The following RBFOX3 variants were observed in gnomAD, a reference collection of about 807,000 sequenced individuals.
The protein encoded by RBFOX3 is RNA binding fox-1 homolog 3, also known as RNA binding protein fox-1 homolog 3.
In RBFOX3, 17 loss-of-function variants were observed where a neutral mutation model predicts 48.7. The observed-to-expected ratio is 0.35, with a 90% confidence interval of 0.24 to 0.52. The LOEUF is 0.52. Ranked by LOEUF, RBFOX3 falls within the 20% of genes least tolerant of loss-of-function variation. The pLI is 0.94. For synonymous variants in RBFOX3, 212 were observed against 209.5 expected (o/e 1.01, Z -0.10); for missense variants, 382 against 497.5 (o/e 0.77, Z 2.21).
chr17:79,196,368 G>T (rs531269260), intron 4 of RBFOX3, among the ~76,000 whole-genome samples: 1 of 152,142 alleles, frequency 6.6e-6, no homozygotes. Flanking sequence ...CCGACCACCC[G>T]TGGGACTCTG....
At chr17:79,122,376 TC>T (rs1408528120) in intron 4 of RBFOX3, among the ~76,000 whole-genome samples, 4 of 152,156 alleles carry the variant, frequency 2.6e-5, no homozygotes, top group Non-Finnish European at 2.9e-5. Context: ...GCTTGTCTAC[TC>T]CAGCCACAAA....
intron 9 of RBFOX3, chr17:79,098,344 G>A (rs1272538765): frequency 1.3e-5 from 2 of 153,850 alleles, no homozygotes; most frequent in Non-Finnish European, 2.9e-5. Flanking sequence ...AGGTCGAGGA[G>A]GAAAGGGCAT....
At chr17:79,662,104 G>A in the RBFOX3 span, among the ~76,000 whole-genome samples, 8 of 139,430 alleles carry the variant, frequency 5.7e-5, no homozygotes, top group Middle Eastern at 0.012. Flanking sequence ...GATACAGTGT[G>A]AGGTAGGGAT....
At chr17:79,358,109 C>A (rs901631215) in intron 2 of RBFOX3, among the ~76,000 whole-genome samples, 1 of 152,092 alleles carries the variant, frequency 6.6e-6, no homozygotes. Context: ...ACCAGCCTAG[C>A]TAATTTTTAT....
In RBFOX3 at chr17:79,303,170, C is replaced by T. The variant is rs557318079; in HGVS notation, c.-74+4554G>A. 1.4e-4 allele frequency among the ~76,000 whole-genome samples: 22 copies of T among 152,258 alleles called. No homozygotes were observed. The South Asian group carries it at 1.5e-3, about 10-fold the overall frequency. ...CTGTAGTAAGCCTTAATCACACCAC[C>T]GTACTCCAGCCTGTGTGACAGAACA... On this transcript the variant is annotated intron_variant, in intron 3 of 14. Transcript: ENST00000693108.
In RBFOX3 at chr17:79,249,339, T is replaced by C. The variant is rs1600219087; in HGVS notation, c.-73-13534A>G. On this transcript the variant is annotated intron_variant, in intron 3 of 14. Coordinates refer to ENST00000693108, the MANE Select transcript of RBFOX3 (RefSeq NM_001350451.2). The surrounding 1 kb of genome is among the most constrained non-coding windows in gnomAD (Gnocchi z 4.1). ...TAACCACCTCCCTCTGTTCCCTGTG[T>C]CTCGGCCCGCTCGGCTCCAATGCTG... Among the ~76,000 whole-genome samples, 1 of 152,122 alleles carries C rather than the reference T, an allele frequency of 6.6e-6. No homozygotes were observed. The highest frequency in any genetic ancestry group is 1.5e-5 in the Non-Finnish European group (1 of 68,028).
rs985374269 is a variant in RBFOX3, at chr17:79,265,525, G to A, written c.-73-29720C>T. 3.9e-5 allele frequency among the ~76,000 whole-genome samples: 6 copies of A among 152,326 alleles called. No individual in the cohort carries two copies. The East Asian group carries it at 1.2e-3, about 29-fold the overall frequency. On this transcript the variant is annotated intron_variant, in intron 3 of 14. Transcript: ENST00000693108. The stretch of plus-strand genomic sequence containing the variant: ...GGACTGCCACTTTATTAACTTTTTA[G>A]AGCACTCTGGAGAGTTAGAGAGTCT...
chr17:79,311,948 C>T lies in RBFOX3; in HGVS notation c.-174-4124G>A, dbSNP rs149286095. Among the ~76,000 whole-genome samples, 27 of 152,278 alleles carry T rather than the reference C, an allele frequency of 1.8e-4. No homozygotes were observed. The highest frequency in any genetic ancestry group is 3.4e-3 in the Middle Eastern group (1 of 294). On this transcript the variant is annotated intron_variant, in intron 2 of 14. Coordinates refer to ENST00000693108, the MANE Select transcript of RBFOX3 (RefSeq NM_001350451.2). This position sits in a 1 kb window ranked among gnomAD's most constrained non-coding sequence, Gnocchi z 4.2. ...GACAACCCAGGTGCCAGCTTCAGCT[C>T]GGGCCTGAAAATCCCTCCCCGTCAG...
In RBFOX3 at chr17:79,527,437, C is replaced by T. The variant is rs901009067; in HGVS notation, c.-319-44839G>A. 7.9e-4 allele frequency among the ~76,000 whole-genome samples: 121 copies of T among 152,342 alleles called. 1 individual carries two copies. The highest frequency in any genetic ancestry group is 1.5e-3 in the Non-Finnish European group (101 of 68,032). On this transcript the variant is annotated intron_variant, in intron 1 of 14. Coordinates refer to ENST00000693108, the MANE Select transcript of RBFOX3 (RefSeq NM_001350451.2). ...AAAAGAACCTGGGGGAGCACGGTTC[C>T]GCAGCTGTGCCTGGTACTTCTGTGC...
the RBFOX3 span, among the ~76,000 whole-genome samples, chr17:79,654,878 G>A: frequency 1.7e-4 from 26 of 152,328 alleles, 1 homozygote; most frequent in East Asian, 4.8e-3. Flanking sequence ...TTATGCAAAT[G>A]CCTCCTGGCT....
intron 4 of RBFOX3, among the ~76,000 whole-genome samples, chr17:79,221,163 G>A (rs933950180): frequency 6.6e-6 from 1 of 152,220 alleles, no homozygotes; most frequent in Non-Finnish European, 1.5e-5. Flanking sequence ...GACCTGCCTC[G>A]CTGCCCATCA....
At chr17:79,305,725 A>G (rs1470908669) in intron 3 of RBFOX3, among the ~76,000 whole-genome samples, 1 of 152,244 alleles carries the variant, frequency 6.6e-6, no homozygotes, top group African/African-American at 2.4e-5. Context: ...CTGAAAGGGC[A>G]GGGAGCCTCC....
intron 4 of RBFOX3, among the ~76,000 whole-genome samples, chr17:79,208,831 T>G (rs1035074211): frequency 1.8e-4 from 28 of 151,470 alleles, no homozygotes; most frequent in African/African-American, 6.6e-4. Flanking sequence ...TTTTTTTTTG[T>G]TTGAGACGGA....
At chr17:79,546,115 A>G (rs530796745) in intron 1 of RBFOX3, among the ~76,000 whole-genome samples, 1 of 152,376 alleles carries the variant, frequency 6.6e-6, no homozygotes, top group South Asian at 2.1e-4. Flanking sequence ...GTAGATCCAG[A>G]AAGGTCATAG....
chr17:79,288,026 A>C (rs917530246), intron 3 of RBFOX3, among the ~76,000 whole-genome samples: 11 of 151,998 alleles, frequency 7.2e-5, no homozygotes, highest in African/African-American at 2.7e-4. Flanking sequence ...ACAAAGTCTT[A>C]AGTCCCCACG....
intron 1 of RBFOX3, among the ~76,000 whole-genome samples, chr17:79,509,101 G>T (rs1334736617): frequency 1.3e-5 from 2 of 152,068 alleles, no homozygotes; most frequent in Non-Finnish European, 2.9e-5. Flanking sequence ...TCTTTGGCCG[G>T]TCTGAATGAC....
At chr17:79,122,849 C>G (rs1196545330) in intron 4 of RBFOX3, among the ~76,000 whole-genome samples, 1 of 151,918 alleles carries the variant, frequency 6.6e-6, no homozygotes, top group Non-Finnish European at 1.5e-5. Flanking sequence ...GGTACAGATA[C>G]ACAATGGAGT....
chr17:79,419,952 C>A (rs2065973740), intron 2 of RBFOX3, among the ~76,000 whole-genome samples: 1 of 152,130 alleles, frequency 6.6e-6, no homozygotes, highest in South Asian at 2.1e-4. Context: ...CACGGTGAAA[C>A]CTCGTCTCTA....
At chr17:79,574,754 G>C (rs989871370) in intron 1 of RBFOX3, among the ~76,000 whole-genome samples, 7 of 152,146 alleles carry the variant, frequency 4.6e-5, no homozygotes, top group Admixed American at 2.6e-4. Context: ...AAGAAAAAAG[G>C]CTTCACAGGT....
Sources: allele counts gnomAD v4.1 joint callset (sites outside exome capture counted in the v4.1 genomes callset), GRCh38; gene constraint gnomAD v4.1.1; non-coding constraint Gnocchi (gnomAD v3.1); transcripts MANE v1.5; gene names NCBI Gene and HGNC (gene_info 2026-07-23, HGNC 2026-07-21).